Variants in OR2C3 observed in about 807,000 individuals in gnomAD.
OR2C3 encodes olfactory receptor family 2 subfamily C member 3, also known as olfactory receptor 2C3.
For synonymous variants in OR2C3, 178 were observed against 163.4 expected, an observed-to-expected ratio of 1.09 and a Z score of -0.68; for missense variants, 425 against 401.5, an observed-to-expected ratio of 1.06 and a Z score of -0.50.
chr1:247,535,431 A>G (rs1284700940), intron 1 of OR2C3, among the ~76,000 whole-genome samples: 1 of 152,244 alleles, frequency 6.6e-6, no homozygotes, highest in Non-Finnish European at 1.5e-5. Context: ...AGAGTTAGGT[A>G]CAACTGAGTC....
In OR2C3 at chr1:247,526,993, G is replaced by A; in HGVS notation, c.*4556C>T. On this transcript the variant is annotated 3_prime_UTR_variant, in exon 3 of 3. Transcript: ENST00000641802. This position sits in a 1 kb window ranked among gnomAD's most constrained non-coding sequence, Gnocchi z 4.8. The stretch of plus-strand genomic sequence containing the variant: ...GAGGATTCCAATAGTTCTACTGGAT[G>A]TGGAGCCAGAAATTGTGTGGAATGC... The A allele has an allele frequency of 2.2e-6, 1 of 456,740 alleles. No homozygotes were observed. Among genetic ancestry groups the A allele is most frequent in the South Asian group, 1.5e-5 (1 of 64,566 alleles). The allele number at this position is 456,740 out of a possible 1,614,324, so 28.3% of individuals were successfully genotyped here. A position where few individuals can be genotyped will look rare whatever the true frequency, so the allele number is the denominator to read the frequency against.
intron 1 of OR2C3, among the ~76,000 whole-genome samples, chr1:247,534,976 T>C (rs1408011463): frequency 6.6e-6 from 1 of 152,070 alleles, no homozygotes; most frequent in African/African-American, 2.4e-5. Context: ...ATTAATACTA[T>C]GGGAGAAGGC....
rs1175820199 is a variant in OR2C3 at position 247,530,813 on chromosome 1, G to A, written c.*736C>T. The A allele has an allele frequency of 2.7e-4, 2 of 7,530 alleles. No individual in the cohort carries two copies. Among genetic ancestry groups the A allele is most frequent in the Non-Finnish European group, 8.5e-4 (2 of 2,360 alleles). The allele number at this position is 7,530 out of a possible 1,614,324, so 0.5% of individuals were successfully genotyped here. Reference sequence around the variant, plus strand: ...GACGTGGACCTGCCGGCCGCCTCTGGACCGCCTTCCTCGCCCTCCACAGCC... The same window carrying A: ...GACGTGGACCTGCCGGCCGCCTCTGAACCGCCTTCCTCGCCCTCCACAGCC... On this transcript the variant is annotated 3_prime_UTR_variant, in exon 3 of 3. Coordinates refer to ENST00000641802, the MANE Select transcript of OR2C3 (RefSeq NM_198074.6).
In OR2C3 at chr1:247,532,486, G is replaced by A. The variant is rs1223411443; in HGVS notation, c.26C>T (p.Ser9Phe). The A allele has an allele frequency of 6.2e-7, 1 of 1,614,036 alleles. No homozygotes were observed. The highest frequency in any genetic ancestry group is 8.5e-7 in the Non-Finnish European group (1 of 1,179,932). Residue 9 changes from serine (S) to phenylalanine (F), a missense_variant, in exon 3 of 3, where the codon TCT becomes TTT. By Grantham distance (155) the Ser-to-Phe change is radical (BLOSUM62 -2). Coordinates refer to ENST00000641802, the MANE Select transcript of OR2C3 (RefSeq NM_198074.6). MMEIANVSSPEVFVLLGFS... is the reference protein window; with the variant it reads MMEIANVSFPEVFVLLGFS... ...GCCCAGGAGGACAAAGACTTCTGGA[G>A]AACTCACATTGGCTATTTCCATCAT...
rs1385783798 is a variant in OR2C3 at position 247,525,089 on chromosome 1, G to A, written c.*6460C>T. 4 of 152,220 alleles carry A rather than the reference G, an allele frequency of 2.6e-5. No homozygotes were observed. Among genetic ancestry groups the A allele is most frequent in the Non-Finnish European group, 5.9e-5 (4 of 68,044 alleles). 9.4% of individuals were successfully genotyped at this position (152,220 alleles called of 1,614,324 possible). A position where few individuals can be genotyped will look rare whatever the true frequency, so the allele number is the denominator to read the frequency against. On this transcript the variant is annotated 3_prime_UTR_variant, in exon 3 of 3. Coordinates refer to ENST00000641802, the MANE Select transcript of OR2C3 (RefSeq NM_198074.6). ...TTATTGGCAAAAGTACGAATTTGGT[G>A]TCTGAAGGGAAATTTAAATATGTCC...
In OR2C3 at chr1:247,531,907, A is replaced by T; in HGVS notation, c.605T>A (p.Leu202Gln). Residue 202 changes from leucine (L) to glutamine (Q), a missense_variant, in exon 3 of 3, where the codon CTG becomes CAG. Physicochemically the swap from Leu to Gln is moderately radical, Grantham distance 113. Transcript: ENST00000641802. ...CAGGACAACAAAGACAAAGCTGGCC[A>T]GGTACATCTCCATCTCATTGAGGCT... Reference protein sequence around the residue: ...DTSLNEMEMYLASFVFVVLPL... With the variant: ...DTSLNEMEMYQASFVFVVLPL... 6.2e-7 allele frequency: 1 copy of T among 1,614,240 alleles called. No homozygotes were observed. The highest frequency in any genetic ancestry group is 8.5e-7 in the Non-Finnish European group (1 of 1,180,034).
chr1:247,528,888 G>C lies in OR2C3; in HGVS notation c.*2661C>G, dbSNP rs1666792403. The C allele has an allele frequency of 1.3e-5, 2 of 152,018 alleles. 1 individual carries two copies. The highest frequency in any genetic ancestry group is 2.9e-5 in the Non-Finnish European group (2 of 68,000). The allele number at this position is 152,018 out of a possible 1,614,324, so 9.4% of individuals were successfully genotyped here. Reference sequence around the variant, plus strand: ...CTGTCTGACATAAATGCCCATGAGAGGGCATCCACTGCAGAGATGGATCTT... The same window carrying C: ...CTGTCTGACATAAATGCCCATGAGACGGCATCCACTGCAGAGATGGATCTT... On this transcript the variant is annotated 3_prime_UTR_variant, in exon 3 of 3. Transcript: ENST00000641802.
At position 247,532,557 on chromosome 1, in the gene OR2C3, G is replaced by A; in HGVS notation, c.-29-17C>T. ...AAAGGCCACCTGTGGGAAGAGCACA[G>A]GGCATACAGGGCATGAGACATGAAG... On this transcript the variant is annotated splice_polypyrimidine_tract_variant and intron_variant, in intron 2 of 2. Transcript: ENST00000641802. 1 of 1,564,984 alleles carries A rather than the reference G, an allele frequency of 6.4e-7. No individual in the cohort carries two copies. The highest frequency in any genetic ancestry group is 1.2e-5 in the South Asian group (1 of 84,136).
intron 1 of OR2C3, among the ~76,000 whole-genome samples, chr1:247,534,530 G>C (rs1176349995): frequency 6.6e-6 from 1 of 152,292 alleles, no homozygotes; most frequent in Admixed American, 6.5e-5. Flanking sequence ...ATTTAGCAGG[G>C]GCAGTGCATA....
In OR2C3 at chr1:247,531,991, C is replaced by G. The variant is rs1367139995; in HGVS notation, c.521G>C (p.Cys174Ser). The change falls in exon 3 of 3, where the codon TGC becomes TCC. Residue 174 changes from cysteine (C) to serine (S), a missense_variant. Cys to Ser is a moderately radical substitution (Grantham distance 112, BLOSUM62 -1). Transcript: ENST00000641802. ...TMLLPLCGNN[C>S]IDHFFCEMPL... The stretch of plus-strand genomic sequence containing the variant: ...CATCTCGCAAAAGAAGTGGTCGATG[C>G]AATTGTTCCCACACAGCGGTAGGAG... 3.7e-6 allele frequency: 6 copies of G among 1,614,120 alleles called. No individual in the cohort carries two copies. The Admixed American group carries it at 1.0e-4, about 27-fold the overall frequency.
rs1291428143 is a variant in OR2C3, at chr1:247,531,678, G to C, written c.834C>G (p.Phe278Leu). The C allele has an allele frequency of 6.2e-7, 1 of 1,614,076 alleles. No homozygotes were observed. The highest frequency in any genetic ancestry group is 1.3e-5 in the African/African-American group (1 of 74,926). ...TCAGCGCAGGAGTGACTACGGTGTA[G>C]AACAGAGCTATGAACTTGCCCTGCT... ...SHEQGKFIAL[F>L]YTVVTPALNP... The change falls in exon 3 of 3, where the codon TTC becomes TTG. Residue 278 changes from phenylalanine (F) to leucine (L), a missense_variant. Coordinates refer to ENST00000641802, the MANE Select transcript of OR2C3 (RefSeq NM_198074.6).
At position 247,532,365 on chromosome 1, in the gene OR2C3, G is replaced by T; in HGVS notation, c.147C>A (p.Val49=). The change falls in exon 3 of 3, where the codon GTC becomes GTA. Residue 49 remains valine, a synonymous_variant. Transcript: ENST00000641802. ...TGTGGAGGTGCACATCTGTATGGGAGACCAGAATGATGATGCCATTGCCCA... is the reference window on the plus strand; with the variant it reads ...TGTGGAGGTGCACATCTGTATGGGATACCAGAATGATGATGCCATTGCCCA... The part of the protein sequence containing the change: ...SILGNGIIIL[V]SHTDVHLHTP... 4 of 1,614,074 alleles carry T rather than the reference G, an allele frequency of 2.5e-6. No homozygotes were observed. Among genetic ancestry groups the T allele is most frequent in the Non-Finnish European group, 3.4e-6 (4 of 1,179,902 alleles).
rs1225370097 is a variant in OR2C3 at position 247,530,775 on chromosome 1, A to C, written c.*774T>G. The C allele has an allele frequency of 3.6e-5, 1 of 27,598 alleles. No homozygotes were observed. Among genetic ancestry groups the C allele is most frequent in the African/African-American group, 1.0e-4 (1 of 9,682 alleles). The allele number at this position is 27,598 out of a possible 1,614,324, so 1.7% of individuals were successfully genotyped here. A position where few individuals can be genotyped will look rare whatever the true frequency, so the allele number is the denominator to read the frequency against. On this transcript the variant is annotated 3_prime_UTR_variant, in exon 3 of 3. Coordinates refer to ENST00000641802, the MANE Select transcript of OR2C3 (RefSeq NM_198074.6). ...GGTAGGTCTCGCCCAACTGCGACAG[A>C]GCGGTCGCCCAGGACGTGGACCTGC...
chr1:247,535,797 G>A (rs563128685), intron 1 of OR2C3, among the ~76,000 whole-genome samples: 3 of 152,270 alleles, frequency 2.0e-5, no homozygotes, highest in East Asian at 1.9e-4. Flanking sequence ...CAAAAATAGC[G>A]TTTTCAGTAA....
In OR2C3 at chr1:247,526,724, G is replaced by A. The variant is rs1666696623; in HGVS notation, c.*4825C>T. Reference sequence around the variant, plus strand: ...ATGATCCAGGTTTTCTGTCCTGTGAGAAGCCATCAAAGCCTATGGTTGCTG... The same window carrying A: ...ATGATCCAGGTTTTCTGTCCTGTGAAAAGCCATCAAAGCCTATGGTTGCTG... On this transcript the variant is annotated 3_prime_UTR_variant, in exon 3 of 3. Coordinates refer to ENST00000641802, the MANE Select transcript of OR2C3 (RefSeq NM_198074.6). This position sits in a 1 kb window ranked among gnomAD's most constrained non-coding sequence, Gnocchi z 4.8. 2.8e-6 allele frequency: 1 copy of A among 356,208 alleles called. No individual in the cohort carries two copies. The highest frequency in any genetic ancestry group is 5.5e-6 in the Non-Finnish European group (1 of 183,382). 22.1% of individuals were successfully genotyped at this position (356,208 alleles called of 1,614,324 possible). A position where few individuals can be genotyped will look rare whatever the true frequency, so the allele number is the denominator to read the frequency against.
chr1:247,527,182 G>A lies in OR2C3; in HGVS notation c.*4367C>T, dbSNP rs1425334652. Reference sequence around the variant, plus strand: ...GCCTGAGCATTTAAGGCAGTTGGAGGAGAGTGTGAGTTATGGTCATCATTC... The same window carrying A: ...GCCTGAGCATTTAAGGCAGTTGGAGAAGAGTGTGAGTTATGGTCATCATTC... On this transcript the variant is annotated 3_prime_UTR_variant, in exon 3 of 3. Coordinates refer to ENST00000641802, the MANE Select transcript of OR2C3 (RefSeq NM_198074.6). The surrounding 1 kb of genome is among the most constrained non-coding windows in gnomAD (Gnocchi z 4.6). 2.4e-6 allele frequency: 1 copy of A among 413,584 alleles called. No homozygotes were observed. The highest frequency in any genetic ancestry group is 1.8e-5 in the South Asian group (1 of 55,208). 25.6% of individuals were successfully genotyped at this position (413,584 alleles called of 1,614,324 possible). A position where few individuals can be genotyped will look rare whatever the true frequency, so the allele number is the denominator to read the frequency against.
intron 2 of OR2C3, 98 bp from the exon 3 acceptor site, chr1:247,532,638 C>A: frequency 1.0e-6 from 1 of 952,476 alleles, no homozygotes; most frequent in Non-Finnish European, 1.5e-6. Flanking sequence ...TTATGTTATT[C>A]TTTTTTAGAG....
At position 247,529,316 on chromosome 1, in the gene OR2C3, A is replaced by G. The variant is rs1215031242; in HGVS notation, c.*2233T>C. 1 of 152,246 alleles carries G rather than the reference A, an allele frequency of 6.6e-6. No homozygotes were observed. The highest frequency in any genetic ancestry group is 2.4e-5 in the African/African-American group (1 of 41,464). The allele number at this position is 152,246 out of a possible 1,614,324, so 9.4% of individuals were successfully genotyped here. ...ATTTCACAGCAAAAGGGGTGTGGCA[A>G]TAGAATTGCCCTTGGAATTCATGAT... On this transcript the variant is annotated 3_prime_UTR_variant, in exon 3 of 3. Coordinates refer to ENST00000641802, the MANE Select transcript of OR2C3 (RefSeq NM_198074.6).
In OR2C3 at chr1:247,532,262, C is replaced by G; in HGVS notation, c.250G>C (p.Ala84Pro). ...FTTSIVPQLL[A>P]NLWGPQKTIS... is the part of the protein sequence containing the mutation. ...GTTTTCTGTGGTCCCCAGAGGTTAG[C>G]CAGGAGCTGTGGGACAATGCTCGTG... The change falls in exon 3 of 3, where the codon GCT (alanine) becomes CCT (proline). Residue 84 changes from alanine (A) to proline (P), a missense_variant. By Grantham distance (27) the Ala-to-Pro change is conservative. Transcript: ENST00000641802. 4 of 1,614,158 alleles carry G rather than the reference C, an allele frequency of 2.5e-6. No homozygotes were observed. Among genetic ancestry groups the G allele is most frequent in the Non-Finnish European group, 3.4e-6 (4 of 1,180,026 alleles).
Sources: gnomAD v4.1 joint callset for allele counts (sites outside exome capture counted in the v4.1 genomes callset) on GRCh38, gnomAD v4.1.1 for gene constraint, Gnocchi (gnomAD v3.1) non-coding constraint, MANE v1.5 for transcripts, NCBI Gene and HGNC (gene_info 2026-07-23, HGNC 2026-07-21) for gene names.